FHIT: variants seen among roughly 807,000 people sequenced by gnomAD.
FHIT encodes fragile histidine triad diadenosine triphosphatase.
Under a neutral mutation model 17.9 loss-of-function variants are expected in FHIT, and 19 were observed. The ratio of observed to expected loss-of-function variants is 1.06; its 90% CI spans 0.74 to 1.56. The LOEUF is 1.56. FHIT is among the 40% of genes most tolerant of loss of function. The probability of loss-of-function intolerance (pLI) is 0.00; values close to 1 mark genes in which losing one functional copy is unlikely to be tolerated. For synonymous variants in FHIT, 81 were observed against 69.7 expected, an observed-to-expected ratio of 1.16 and a Z score of -0.81; for missense variants, 248 against 189.2, an observed-to-expected ratio of 1.31 and a Z score of -1.82.
At chr3:60,704,634 C>CT (rs1214024935) in intron 4 of FHIT, among the ~76,000 whole-genome samples, 1 of 152,114 alleles carries the variant, frequency 6.6e-6, no homozygotes, top group Non-Finnish European at 1.5e-5. Flanking sequence ...AAAAATGAAC[C>CT]TTTTTTTGCA....
intron 1 of FHIT, among the ~76,000 whole-genome samples, chr3:61,242,346 T>C (rs2040393165): frequency 6.6e-6 from 1 of 152,144 alleles, no homozygotes; most frequent in South Asian, 2.1e-4. Context: ...GGCACAGATT[T>C]TCCTTTGTAA....
At chr3:61,241,447 G>T (rs973369547) in intron 1 of FHIT, among the ~76,000 whole-genome samples, 2 of 152,182 alleles carry the variant, frequency 1.3e-5, no homozygotes, top group African/African-American at 4.8e-5. Flanking sequence ...TCAAAACTAA[G>T]ATGTGGGAAG....
intron 4 of FHIT, among the ~76,000 whole-genome samples, chr3:60,793,965 C>CT (rs1700882636): frequency 6.6e-6 from 1 of 152,148 alleles, no homozygotes; most frequent in South Asian, 2.1e-4. Flanking sequence ...CAGGGCAGTG[C>CT]TCCGACACCT....
chr3:61,187,453 G>C (rs2038553934), intron 2 of FHIT, among the ~76,000 whole-genome samples: 1 of 152,110 alleles, frequency 6.6e-6, no homozygotes. Context: ...GACCTATAAA[G>C]AGATTTAGAC....
chr3:60,440,252 G>A (rs1002112923), intron 5 of FHIT, among the ~76,000 whole-genome samples: 3 of 152,042 alleles, frequency 2.0e-5, no homozygotes, highest in Non-Finnish European at 4.4e-5. Context: ...CCAGTCATCA[G>A]TTCCCAAGAC....
At chr3:61,131,984 G>A (rs1342037091) in intron 2 of FHIT, among the ~76,000 whole-genome samples, 1 of 152,174 alleles carries the variant, frequency 6.6e-6, no homozygotes, top group Non-Finnish European at 1.5e-5. Context: ...AGGGAACTGG[G>A]TTTCATTGTA....
intron 4 of FHIT, among the ~76,000 whole-genome samples, chr3:60,553,716 A>G (rs2036648072): frequency 6.6e-6 from 1 of 152,100 alleles, no homozygotes; most frequent in Non-Finnish European, 1.5e-5. Context: ...TTATAAAATG[A>G]TTCTTCCAAA....
intron 5 of FHIT, among the ~76,000 whole-genome samples, chr3:60,301,174 C>T (rs557995114): frequency 6.6e-6 from 1 of 152,088 alleles, no homozygotes; most frequent in African/African-American, 2.4e-5. Flanking sequence ...TTTTAAAACA[C>T]TTTAATACCT....
chr3:60,964,353 T>C (rs539111888), intron 3 of FHIT, among the ~76,000 whole-genome samples: 9 of 152,268 alleles, frequency 5.9e-5, no homozygotes, highest in African/African-American at 2.2e-4. Context: ...GTCTCCTGAA[T>C]ACAGCACACT....
intron 4 of FHIT, among the ~76,000 whole-genome samples, chr3:60,545,430 G>C (rs1486029542): frequency 6.6e-6 from 1 of 151,996 alleles, no homozygotes; most frequent in East Asian, 1.9e-4. Flanking sequence ...AGTTTTTCTA[G>C]TTACTTGAGT....
intron 1 of FHIT, among the ~76,000 whole-genome samples, chr3:61,208,386 T>C (rs2039328386): frequency 6.6e-6 from 1 of 152,184 alleles, no homozygotes. Flanking sequence ...CTTTCTGTCT[T>C]GTTGATCTGC....
At chr3:59,823,214 G>C (rs988854861) in intron 8 of FHIT, among the ~76,000 whole-genome samples, 5 of 152,176 alleles carry the variant, frequency 3.3e-5, no homozygotes, top group African/African-American at 1.2e-4. Context: ...ATAGTTCAAA[G>C]TCAAGTAATG....
Position 60,455,148 on chromosome 3 carries a change from AAAG to A in FHIT, c.103+81709_103+81711del, listed in dbSNP as rs532797067. On this transcript the variant is annotated intron_variant, in intron 5 of 9. Coordinates refer to ENST00000492590, the MANE Select transcript of FHIT (RefSeq NM_002012.4). ...GTAGGGTGAGGGGAGTGAATGGATG[AAAG>A]AAGGGAAAGGAAGGCAAATTATCCA... Among the ~76,000 whole-genome samples the A allele has an allele frequency of 2.0e-5, 3 of 152,278 alleles. No individual in the cohort carries two copies. The South Asian group carries it at 6.2e-4, about 32-fold the overall frequency.
chr3:60,629,861 G>A (rs938459039), intron 4 of FHIT, among the ~76,000 whole-genome samples: 1 of 152,172 alleles, frequency 6.6e-6, no homozygotes, highest in Non-Finnish European at 1.5e-5. Flanking sequence ...AGAATCATAA[G>A]AGCAGGGATA....
intron 4 of FHIT, among the ~76,000 whole-genome samples, chr3:60,554,668 A>C (rs575198480): frequency 8.5e-5 from 13 of 152,358 alleles, no homozygotes; most frequent in East Asian, 7.7e-4. Context: ...AACACTTCTC[A>C]CATATTATTT....
intron 2 of FHIT, among the ~76,000 whole-genome samples, chr3:61,055,138 C>T (rs149660952): frequency 1.3e-5 from 2 of 151,928 alleles, no homozygotes; most frequent in East Asian, 3.9e-4. Context: ...ATCTGTGATG[C>T]GTCTCTTTTC....
rs577061956 is a variant in FHIT, at chr3:60,324,708, A to G, written c.103+212152T>C. ...GAAAAAGAACAAATGCGTCCACTAT[A>G]TGGCTTGATTTGATTACTTGAAAAT... On this transcript the variant is annotated intron_variant, in intron 5 of 9. Transcript: ENST00000492590. 2.6e-5 allele frequency among the ~76,000 whole-genome samples: 4 copies of G among 152,282 alleles called. No individual in the cohort carries two copies. In the South Asian group the frequency reaches 8.3e-4, roughly 32 times the overall value.
At chr3:60,964,052 T>C (rs1455310304) in intron 3 of FHIT, among the ~76,000 whole-genome samples, 4 of 152,166 alleles carry the variant, frequency 2.6e-5, no homozygotes, top group African/African-American at 9.7e-5. Flanking sequence ...CCCATTATTA[T>C]CGTGTGGGAG....
chr3:60,443,734 C>G (rs1404859590), intron 5 of FHIT, among the ~76,000 whole-genome samples: 1 of 151,946 alleles, frequency 6.6e-6, no homozygotes, highest in African/African-American at 2.4e-5. Flanking sequence ...CTAAAATTCT[C>G]TTTTTTTGTT....
Sources: allele counts gnomAD v4.1 joint callset (sites outside exome capture counted in the v4.1 genomes callset), GRCh38; gene constraint gnomAD v4.1.1; transcripts MANE v1.5; gene names NCBI Gene and HGNC (gene_info 2026-07-23, HGNC 2026-07-21).